The following CYP2C19 variants were observed in gnomAD, a reference collection of about 807,000 sequenced individuals.
CYP2C19 encodes cytochrome P450 2C19.
A neutral mutation model predicts 40.9 loss-of-function variants in CYP2C19; 59 were observed. The ratio of observed to expected loss-of-function variants is 1.44; its 90% confidence interval spans 1.17 to 1.79. CYP2C19 has a LOEUF of 1.79. Among genes scored for constraint, CYP2C19 ranks in the 40% most tolerant of loss-of-function variants. The pLI, the probability that CYP2C19 is intolerant of heterozygous loss-of-function variation, is 0.00. For synonymous variants in CYP2C19, 253 were observed against 208.7 expected (o/e 1.21, Z -1.83); for missense variants, 754 against 596.9 (o/e 1.26, Z -2.74).
At chr10:94,827,684 GT>G (rs1181346520) in intron 6 of CYP2C19, among the ~76,000 whole-genome samples, 1 of 152,112 alleles carries the variant, frequency 6.6e-6, no homozygotes, top group African/African-American at 2.4e-5. Context: ...TTTGATTTTA[GT>G]TATTTGTTGC....
intron 8 of CYP2C19, 126 bp from the exon 9 acceptor site, chr10:94,852,607 C>A: frequency 2.0e-6 from 2 of 988,916 alleles, no homozygotes; most frequent in Non-Finnish European, 3.0e-6. Context: ...CATCTATCTA[C>A]TCATCCCTCC....
In CYP2C19 at chr10:94,778,762, G is replaced by A. The variant is rs112729369; in HGVS notation, c.482-1737G>A. Among the ~76,000 whole-genome samples, 474 of 152,088 alleles carry A rather than the reference G, an allele frequency of 3.1e-3. 3 individuals carry two copies. The highest frequency in any genetic ancestry group is 0.011 in the African/African-American group (451 of 41,496). On this transcript the variant is annotated intron_variant, in intron 3 of 8. Coordinates refer to ENST00000371321, the MANE Select transcript of CYP2C19 (RefSeq NM_000769.4). ...ATTTGATCTAGCAATCCCATTACTG[G>A]GTATATACCCAAAGGGCTATAAACC...
Position 94,781,824 on chromosome 10 carries a change from T to A in CYP2C19, c.646T>A (p.Cys216Ser). ...ATAAATTATTGTTTTCTCTTAGATA[T>A]GCAATAATTTTCCCACTATCATTGA... ...RIVSTPWIQI[C>S]NNFPTIIDYF... Residue 216 changes from cysteine (C) to serine (S), a missense_variant, in exon 5 of 9, where the codon TGC becomes AGC. Cys to Ser is a moderately radical substitution (Grantham distance 112, BLOSUM62 -1). Coordinates refer to ENST00000371321, the MANE Select transcript of CYP2C19 (RefSeq NM_000769.4). 1 of 1,422,318 alleles carries A rather than the reference T, an allele frequency of 7.0e-7. No homozygotes were observed. Among genetic ancestry groups the A allele is most frequent in the Non-Finnish European group, 9.3e-7 (1 of 1,078,268 alleles). The allele number at this position is 1,422,318 out of a possible 1,614,324, so 88.1% of individuals were successfully genotyped here. A position where few individuals can be genotyped will look rare whatever the true frequency, so the allele number is the denominator to read the frequency against.
chr10:94,775,728 A>G (rs1036248829), intron 3 of CYP2C19, 189 bp downstream of exon 3: 37 of 871,602 alleles, frequency 4.2e-5, no homozygotes, highest in Non-Finnish European at 6.4e-5. Context: ...TACAGGCATG[A>G]TTGTGCATAC....
chr10:94,811,424 C>A (rs1473170592), intron 5 of CYP2C19, among the ~76,000 whole-genome samples: 1 of 151,934 alleles, frequency 6.6e-6, no homozygotes, highest in Non-Finnish European at 1.5e-5. Context: ...TAGTTCAAGT[C>A]CTGGAGATCC....
At chr10:94,800,538 G>A (rs758365823) in intron 5 of CYP2C19, among the ~76,000 whole-genome samples, 1 of 152,224 alleles carries the variant, frequency 6.6e-6, no homozygotes, top group East Asian at 1.9e-4. Context: ...CATGGTGGGA[G>A]AAGCACTGCT....
At chr10:94,772,333 C>A (rs550833891) in intron 1 of CYP2C19, among the ~76,000 whole-genome samples, 1 of 151,956 alleles carries the variant, frequency 6.6e-6, no homozygotes, top group Non-Finnish European at 1.5e-5. Context: ...TTGGTGAGCC[C>A]GGGTGCCTAA....
intron 4 of CYP2C19, among the ~76,000 whole-genome samples, chr10:94,781,477 C>G (rs1848477751): frequency 6.6e-6 from 1 of 152,036 alleles, no homozygotes; most frequent in Non-Finnish European, 1.5e-5. Flanking sequence ...ATGCTATCAT[C>G]TCCAAAATGT....
intron 5 of CYP2C19, among the ~76,000 whole-genome samples, chr10:94,795,013 A>G (rs1171800910): frequency 6.6e-6 from 1 of 151,590 alleles, no homozygotes; most frequent in African/African-American, 2.4e-5. Context: ...AAATATATAT[A>G]TATTTTTATA....
At chr10:94,773,357 T>C (rs1848361909) in intron 1 of CYP2C19, among the ~76,000 whole-genome samples, 2 of 152,174 alleles carry the variant, frequency 1.3e-5, no homozygotes. Flanking sequence ...GATGTTCAGA[T>C]GTGGCCAGAG....
chr10:94,768,057 C>A (rs772712800), intron 1 of CYP2C19, among the ~76,000 whole-genome samples: 1 of 152,174 alleles, frequency 6.6e-6, no homozygotes, highest in African/African-American at 2.4e-5. Flanking sequence ...GCACTGAGTG[C>A]AATAACTCCA....
intron 5 of CYP2C19, among the ~76,000 whole-genome samples, chr10:94,792,022 A>G (rs1848611363): frequency 6.6e-6 from 1 of 151,996 alleles, no homozygotes; most frequent in Non-Finnish European, 1.5e-5. Context: ...GTCTCTAAGG[A>G]CCTGTTTTAT....
chr10:94,794,017 G>T (rs2134247866), intron 5 of CYP2C19, among the ~76,000 whole-genome samples: 1 of 152,194 alleles, frequency 6.6e-6, no homozygotes, highest in Non-Finnish European at 1.5e-5. Flanking sequence ...CCCAGTTCGA[G>T]CTTCCTGGCT....
intron 5 of CYP2C19, among the ~76,000 whole-genome samples, chr10:94,808,223 T>G (rs1190731844): frequency 6.6e-6 from 1 of 152,156 alleles, no homozygotes; most frequent in African/African-American, 2.4e-5. Context: ...CATGGGTCCA[T>G]GTGTCTGCTT....
Position 94,820,637 on chromosome 10 carries a change from G to A in CYP2C19, c.961G>A (p.Ala321Thr), listed in dbSNP as rs778852965. 4 of 1,614,064 alleles carry A rather than the reference G, an allele frequency of 2.5e-6. No individual in the cohort carries two copies. Among genetic ancestry groups the A allele is most frequent in the Non-Finnish European group, 3.4e-6 (4 of 1,180,032 alleles). The change falls in exon 6 of 9, where the codon GCT (alanine) becomes ACT (threonine). Residue 321 changes from alanine (A) to threonine (T), a missense_variant and splice_region_variant. Ala to Thr is a moderately conservative substitution (Grantham distance 58). Transcript: ENST00000371321. ...CCTGCTGAAGCACCCAGAGGTCACA[G>A]GTATGATCACAGAGGATGAGTTAAT... ...LLLLKHPEVT[A>T]KVQEEIERVI...
intron 6 of CYP2C19, among the ~76,000 whole-genome samples, chr10:94,823,394 T>A (rs1849160154): frequency 6.6e-6 from 1 of 152,160 alleles, no homozygotes; most frequent in Non-Finnish European, 1.5e-5. Context: ...AAAGGCAGAT[T>A]TGGTAAGGGT....
At chr10:94,771,064 C>T (rs1848322989) in intron 1 of CYP2C19, among the ~76,000 whole-genome samples, 1 of 151,938 alleles carries the variant, frequency 6.6e-6, no homozygotes, top group Admixed American at 6.6e-5. Context: ...TTGCCCTAGA[C>T]CCTGTAGGAC....
chr10:94,800,624 C>T (rs545851376), intron 5 of CYP2C19, among the ~76,000 whole-genome samples: 1 of 152,206 alleles, frequency 6.6e-6, no homozygotes, highest in Admixed American at 6.5e-5. Context: ...TATGCCTTGC[C>T]CTGGATTCTA....
intron 5 of CYP2C19, among the ~76,000 whole-genome samples, chr10:94,801,399 A>T (rs1848763691): frequency 6.6e-6 from 1 of 152,144 alleles, no homozygotes; most frequent in Admixed American, 6.5e-5. Flanking sequence ...GTCATCATGC[A>T]GTTTTGAGTG....
Sources: gnomAD v4.1 joint callset for allele counts (sites outside exome capture counted in the v4.1 genomes callset) on GRCh38, gnomAD v4.1.1 for gene constraint, MANE v1.5 for transcripts, NCBI Gene and HGNC (gene_info 2026-07-23, HGNC 2026-07-21) for gene names.